NTNG2: variants seen among roughly 807,000 people sequenced by gnomAD.
NTNG2 encodes netrin G2.
Under a neutral mutation model 47.6 loss-of-function variants are expected in NTNG2, and 15 were observed. The observed-to-expected ratio is 0.32, with a 90% CI of 0.21 to 0.49. The LOEUF (loss-of-function observed/expected upper bound fraction) is 0.49, where lower values mean the gene tolerates loss of function less well. NTNG2 is among the 20% of genes least tolerant of loss of function. The pLI, the probability that NTNG2 is intolerant of heterozygous loss-of-function variation, is 0.99. For synonymous variants in NTNG2, 307 were observed against 324.6 expected, an observed-to-expected ratio of 0.95 and a Z score of 0.58; for missense variants, 578 against 764.6, an observed-to-expected ratio of 0.76 and a Z score of 2.88.
chr9:132,196,612 G>A (rs2183763), intron 2 of NTNG2, among the ~76,000 whole-genome samples: 8,245 of 152,208 alleles, frequency 0.054, 309 homozygotes, highest in Non-Finnish European at 0.08. Flanking sequence ...CTGACCCTGG[G>A]GACCACTACG....
At chr9:132,187,793 C>G (rs1208778344) in intron 2 of NTNG2, among the ~76,000 whole-genome samples, 2 of 152,228 alleles carry the variant, frequency 1.3e-5, no homozygotes, top group Non-Finnish European at 2.9e-5. Flanking sequence ...CGGCTTTCTC[C>G]CTGGAGTCAG....
Position 132,221,102 on chromosome 9 carries a change from T to C in NTNG2, c.858-5747T>C, listed in dbSNP as rs112555519. 9.2e-4 allele frequency among the ~76,000 whole-genome samples: 140 copies of C among 152,234 alleles called. No individual in the cohort carries two copies. Among genetic ancestry groups the C allele is most frequent in the African/African-American group, 3.1e-3 (128 of 41,530 alleles). ...CCAGTGCTGATCATGATGAGTTTTA[T>C]GGGGAGGGAGAGTGTAGCAGGGGCT... is the stretch of plus-strand genomic sequence containing the variant. On this transcript the variant is annotated intron_variant, in intron 3 of 7. Coordinates refer to ENST00000393229, the MANE Select transcript of NTNG2 (RefSeq NM_032536.4). This position sits in a 1 kb window ranked among gnomAD's most constrained non-coding sequence, Gnocchi z 4.2.
chr9:132,213,802 G>T (rs183156270), intron 3 of NTNG2, among the ~76,000 whole-genome samples: 1 of 152,302 alleles, frequency 6.6e-6, no homozygotes, highest in African/African-American at 2.4e-5. Flanking sequence ...TCTAACTTTA[G>T]CCCCCAAGGT....
intron 2 of NTNG2, among the ~76,000 whole-genome samples, chr9:132,193,124 A>G (rs1002212065): frequency 6.6e-6 from 1 of 152,368 alleles, no homozygotes; most frequent in Non-Finnish European, 1.5e-5. Flanking sequence ...GGGCAGGGCT[A>G]AGTAAGGCAG....
At chr9:132,186,792 G>C (rs1837420818) in intron 2 of NTNG2, among the ~76,000 whole-genome samples, 1 of 152,268 alleles carries the variant, frequency 6.6e-6, no homozygotes, top group Non-Finnish European at 1.5e-5. Context: ...GTCCTACCTG[G>C]ATAGAACTGC....
At chr9:132,194,801 G>A (rs1025901527) in intron 2 of NTNG2, among the ~76,000 whole-genome samples, 2 of 152,266 alleles carry the variant, frequency 1.3e-5, no homozygotes, top group Admixed American at 6.5e-5. Flanking sequence ...CTGCCACCGA[G>A]GAGCCCCAGG....
chr9:132,194,407 C>T (rs2130689574), intron 2 of NTNG2, among the ~76,000 whole-genome samples: 2 of 152,364 alleles, frequency 1.3e-5, no homozygotes, highest in Middle Eastern at 3.4e-3. Flanking sequence ...ATTGGGCCAT[C>T]CCCACAGCCT....
At chr9:132,217,813 G>A (rs1022472694) in intron 3 of NTNG2, among the ~76,000 whole-genome samples, 7 of 152,284 alleles carry the variant, frequency 4.6e-5, no homozygotes, top group African/African-American at 7.2e-5. Context: ...TCACACAGTC[G>A]TTGGCAGAAC....
chr9:132,188,398 C>G (rs957877062), intron 2 of NTNG2, among the ~76,000 whole-genome samples: 20 of 152,254 alleles, frequency 1.3e-4, no homozygotes, highest in African/African-American at 3.9e-4. Flanking sequence ...GCGTCCTTTC[C>G]CTTTTGGGTG....
rs112978044 is a variant in NTNG2 at position 132,197,958 on chromosome 9, C to T, written c.214-8C>T. On this transcript the variant is annotated splice_region_variant and splice_polypyrimidine_tract_variant and intron_variant, in intron 2 of 7. Coordinates refer to ENST00000393229, the MANE Select transcript of NTNG2 (RefSeq NM_032536.4). The surrounding 1 kb of genome is among the most constrained non-coding windows in gnomAD (Gnocchi z 4.3). ...ACCCACCCTTCCCTTCTCCTCTCCC[C>T]GCTGCAGGAGAATCCCTACCTATGC... The T allele has an allele frequency of 4.4e-6, 7 of 1,604,164 alleles. No individual in the cohort carries two copies. Among genetic ancestry groups the T allele is most frequent in the Middle Eastern group, 1.9e-4 (1 of 5,236 alleles).
At position 132,221,669 on chromosome 9, in the gene NTNG2, T is replaced by G. The variant is rs1840360885; in HGVS notation, c.858-5180T>G. Among the ~76,000 whole-genome samples, 1 of 152,132 alleles carries G rather than the reference T, an allele frequency of 6.6e-6. No individual in the cohort carries two copies. The highest frequency in any genetic ancestry group is 6.5e-5 in the Admixed American group (1 of 15,272). Reference sequence around the variant, plus strand: ...CTCCTGTTCCCGAGGAAGACAGGACTGATAGGAGGGGCTGGCCAGGATGGA... The same window carrying G: ...CTCCTGTTCCCGAGGAAGACAGGACGGATAGGAGGGGCTGGCCAGGATGGA... On this transcript the variant is annotated intron_variant, in intron 3 of 7. Transcript: ENST00000393229. The surrounding 1 kb of genome is among the most constrained non-coding windows in gnomAD (Gnocchi z 4.2).
At chr9:132,216,315 G>A (rs1206849972) in intron 3 of NTNG2, among the ~76,000 whole-genome samples, 4 of 151,784 alleles carry the variant, frequency 2.6e-5, no homozygotes, top group Non-Finnish European at 5.9e-5. Context: ...CCAGAGAAGT[G>A]ACTTGCTCAA....
chr9:132,213,331 CAAAAAAAAAAAAAAAAAAA>C (rs61393543), intron 3 of NTNG2, among the ~76,000 whole-genome samples: 1 of 104,404 alleles, frequency 9.6e-6, no homozygotes, highest in Non-Finnish European at 2.1e-5. Flanking sequence ...GACTCCATCT[CAAAAAAAAAAAAAAAAAAA>C]AAAAAAAAAA....
chr9:132,181,783 C>T (rs2131362019), intron 2 of NTNG2, among the ~76,000 whole-genome samples: 1 of 152,354 alleles, frequency 6.6e-6, no homozygotes, highest in South Asian at 2.1e-4. Context: ...TATGAGGAAT[C>T]TCAGGTTCAG....
At chr9:132,212,224 A>C (rs6597557) in intron 3 of NTNG2, among the ~76,000 whole-genome samples, 92,832 of 151,956 alleles carry the variant, frequency 0.61, 30,802 homozygotes, top group African/African-American at 0.89. Flanking sequence ...GGGGAAGAAG[A>C]AACCTTGCTG....
At chr9:132,241,400 C>T in intron 7 of NTNG2, 1 of 376,180 alleles carries the variant, frequency 2.7e-6, no homozygotes, top group South Asian at 3.4e-5. Flanking sequence ...CGGGGCCGGG[C>T]CGAGGGGCGG....
chr9:132,164,899 A>C (rs1000806768), intron 1 of NTNG2, among the ~76,000 whole-genome samples: 4 of 152,226 alleles, frequency 2.6e-5, no homozygotes, highest in Admixed American at 2.0e-4. Context: ...CGCTCAGGGC[A>C]GCAAGTGTCC....
At chr9:132,171,811 C>G (rs1835932625) in intron 2 of NTNG2, among the ~76,000 whole-genome samples, 1 of 152,352 alleles carries the variant, frequency 6.6e-6, no homozygotes, top group East Asian at 1.9e-4. Context: ...TTCCATCCAA[C>G]AATGCAGAGC....
intron 6 of NTNG2, 97 bp from the exon 7 acceptor site, chr9:132,240,813 T>G: frequency 2.6e-6 from 4 of 1,541,958 alleles, no homozygotes; most frequent in Non-Finnish European, 2.7e-6. Flanking sequence ...CCCTGGGGAG[T>G]GTGGAGATGC....
Sources: gnomAD v4.1 joint callset for allele counts (sites outside exome capture counted in the v4.1 genomes callset) on GRCh38, gnomAD v4.1.1 for gene constraint, Gnocchi (gnomAD v3.1) non-coding constraint, MANE v1.5 for transcripts, NCBI Gene and HGNC (gene_info 2026-07-23, HGNC 2026-07-21) for gene names.